Variants in ZNF487 observed in about 807,000 individuals in gnomAD.
ZNF487 encodes zinc finger protein 487, also known as KRAB domain only 1.
In ZNF487, 4 loss-of-function variants were observed where a neutral mutation model predicts 3.0. The observed-to-expected ratio is 1.35, with a 90% CI of 0.66 to 3.08. The LOEUF is 3.08. Among genes scored for constraint, ZNF487 ranks in the 30% most tolerant of loss-of-function variants. ZNF487 has a pLI of 0.01. For synonymous variants in ZNF487, 55 were observed against 34.6 expected, an observed-to-expected ratio of 1.59 and a Z score of -2.06; for missense variants, 146 against 98.7, an observed-to-expected ratio of 1.48 and a Z score of -2.03.
chr10:43,479,299 T>C (rs1425428211), intron 3 of ZNF487, among the ~76,000 whole-genome samples: 1 of 152,008 alleles, frequency 6.6e-6, no homozygotes, highest in Non-Finnish European at 1.5e-5. Context: ...CTCATTCTGT[T>C]TTTGCTGTTA....
intron 1 of ZNF487, among the ~76,000 whole-genome samples, chr10:43,459,531 T>A (rs1281198882): frequency 1.3e-5 from 2 of 152,000 alleles, no homozygotes; most frequent in African/African-American, 4.8e-5. Flanking sequence ...CACCTGGCCC[T>A]TGGTTTGCTG....
At chr10:43,476,329 G>C in intron 3 of ZNF487, 127 bp downstream of exon 3, 1 of 603,924 alleles carries the variant, frequency 1.7e-6, no homozygotes, top group South Asian at 2.0e-5. Context: ...AACTTTGGAA[G>C]TGACTAAGAA....
At chr10:43,504,444 C>A in the ZNF487 span, among the ~76,000 whole-genome samples, 2 of 151,680 alleles carry the variant, frequency 1.3e-5, no homozygotes, top group East Asian at 3.9e-4. Flanking sequence ...CAGGTGTCCG[C>A]CACCACTCCT....
At chr10:43,442,282 AG>A (rs1839643322) in intron 1 of ZNF487, among the ~76,000 whole-genome samples, 1 of 137,864 alleles carries the variant, frequency 7.3e-6, no homozygotes, top group African/African-American at 2.9e-5. Context: ...AAAAAAACAA[AG>A]AAAAAAACTC....
intron 1 of ZNF487, among the ~76,000 whole-genome samples, chr10:43,442,440 T>G (rs1240794056): frequency 1.3e-5 from 2 of 151,998 alleles, no homozygotes; most frequent in Non-Finnish European, 2.9e-5. Context: ...ATTTATTTAT[T>G]TATTTATTTA....
intron 1 of ZNF487, among the ~76,000 whole-genome samples, chr10:43,473,226 G>A (rs1840969819): frequency 6.7e-6 from 1 of 150,114 alleles, no homozygotes; most frequent in African/African-American, 2.5e-5. Flanking sequence ...TTCTGCCTCA[G>A]CCTCCCGAGT....
chr10:43,442,858 A>G (rs1424126483), intron 1 of ZNF487, among the ~76,000 whole-genome samples: 1 of 152,218 alleles, frequency 6.6e-6, no homozygotes, highest in Non-Finnish European at 1.5e-5. Context: ...GACAGCACAT[A>G]TACTAAAATT....
Position 43,468,862 on chromosome 10 carries a change from G to A in ZNF487, c.-93-6859G>A, listed in dbSNP as rs553141447. ...AAATTAGCTGGGTGTAGTGGTGGGCGCCTGTAGTCCCAGCTACTCGGGAGG... is the reference window on the plus strand; with the variant it reads ...AAATTAGCTGGGTGTAGTGGTGGGCACCTGTAGTCCCAGCTACTCGGGAGG... On this transcript the variant is annotated intron_variant, in intron 1 of 3. Coordinates refer to ENST00000437590, the MANE Select transcript of ZNF487 (RefSeq NM_001355444.3). 9.9e-5 allele frequency among the ~76,000 whole-genome samples: 15 copies of A among 150,896 alleles called. No individual in the cohort carries two copies. The South Asian group carries it at 2.9e-3, about 30-fold the overall frequency.
At chr10:43,491,328 G>T in the ZNF487 span, among the ~76,000 whole-genome samples, 1 of 151,574 alleles carries the variant, frequency 6.6e-6, no homozygotes, top group Non-Finnish European at 1.5e-5. Flanking sequence ...TTTTATTGTT[G>T]TTTCAGAGAA....
chr10:43,512,238 G>A, the ZNF487 span, among the ~76,000 whole-genome samples: 5 of 152,312 alleles, frequency 3.3e-5, no homozygotes, highest in African/African-American at 9.6e-5. Flanking sequence ...CTCCCCATGA[G>A]GCCATCGGTG....
the ZNF487 span, among the ~76,000 whole-genome samples, chr10:43,495,632 T>C: frequency 6.6e-6 from 1 of 152,206 alleles, no homozygotes; most frequent in Non-Finnish European, 1.5e-5. Flanking sequence ...GGTGTGGCCA[T>C]TACCTTTTAG....
At chr10:43,459,362 C>T (rs1324943426) in intron 1 of ZNF487, among the ~76,000 whole-genome samples, 3 of 151,730 alleles carry the variant, frequency 2.0e-5, no homozygotes, top group Admixed American at 6.6e-5. Context: ...CCCAAGTAGC[C>T]GGGACTACAG....
In ZNF487 at chr10:43,481,714, GTAT is replaced by G; in HGVS notation, c.417_419del (p.Cys139_Met140delinsTrp). The G allele has an allele frequency of 1.4e-6, 1 of 716,286 alleles. No homozygotes were observed. The highest frequency in any genetic ancestry group is 1.5e-5 in the South Asian group (1 of 67,472). 44.4% of individuals were successfully genotyped at this position (716,286 alleles called of 1,614,324 possible). The stretch of plus-strand genomic sequence containing the variant: ...AATGTACGTGGGAAATTTCTCCTCT[GTAT>G]GAAGCGTGAGAATCCTTATGCCAGA... On this transcript the variant is annotated inframe_deletion, in exon 4 of 4. Coordinates refer to ENST00000437590, the MANE Select transcript of ZNF487 (RefSeq NM_001355444.3).
At chr10:43,497,425 G>A in the ZNF487 span, among the ~76,000 whole-genome samples, 1 of 152,202 alleles carries the variant, frequency 6.6e-6, no homozygotes, top group Non-Finnish European at 1.5e-5. Flanking sequence ...GAGCAAAGAA[G>A]TGACAGGATC....
At chr10:43,494,745 C>G in the ZNF487 span, among the ~76,000 whole-genome samples, 1 of 141,994 alleles carries the variant, frequency 7.0e-6, no homozygotes, top group Non-Finnish European at 1.5e-5. Flanking sequence ...CATGGTGAAA[C>G]CCTGTCTCTA....
At chr10:43,484,322 T>A (rs1214311994), downstream of ZNF487, among the ~76,000 whole-genome samples, 1 of 151,880 alleles carries the variant, frequency 6.6e-6, no homozygotes, top group African/African-American at 2.4e-5. Context: ...AGATAAGAAT[T>A]TGGTCCAGGC....
At chr10:43,505,792 G>A in the ZNF487 span, among the ~76,000 whole-genome samples, 1 of 152,138 alleles carries the variant, frequency 6.6e-6, no homozygotes, top group East Asian at 1.9e-4. Context: ...ACAGATGCCT[G>A]CCACCATGCC....
chr10:43,505,580 G>A, the ZNF487 span, among the ~76,000 whole-genome samples: 1 of 152,098 alleles, frequency 6.6e-6, no homozygotes, highest in Non-Finnish European at 1.5e-5. Context: ...ACCACGCCTG[G>A]TCCATAATTA....
chr10:43,492,957 G>A, the ZNF487 span, among the ~76,000 whole-genome samples: 14 of 152,228 alleles, frequency 9.2e-5, no homozygotes, highest in East Asian at 3.9e-4. Flanking sequence ...CAGGCCAGGC[G>A]TGGTGGCTCA....
Sources: allele counts gnomAD v4.1 joint callset (sites outside exome capture counted in the v4.1 genomes callset), GRCh38; gene constraint gnomAD v4.1.1; transcripts MANE v1.5; gene names NCBI Gene and HGNC (gene_info 2026-07-23, HGNC 2026-07-21).